MALRD1: variants seen among roughly 807,000 people sequenced by gnomAD.
MALRD1 encodes MAM and LDL receptor class A domain containing 1.
A neutral mutation model predicts 242.1 loss-of-function variants in MALRD1; 247 were observed. That is an observed-to-expected ratio of 1.02 (90% CI 0.92 to 1.13). The LOEUF is 1.13. MALRD1 is among the 50% of genes most tolerant of loss of function. MALRD1 has a pLI of 0.00. For synonymous variants in MALRD1, 995 were observed against 866.6 expected (o/e 1.15, Z -2.60); for missense variants, 2,989 against 2,533.1 (o/e 1.18, Z -3.86).
chr10:19,604,802 A>G (rs1287289998), intron 34 of MALRD1, among the ~76,000 whole-genome samples: 3 of 152,192 alleles, frequency 2.0e-5, no homozygotes, highest in Non-Finnish European at 4.4e-5. Context: ...TGACTAAGGT[A>G]TAGTGCAGAC....
chr10:19,685,348 A>T (rs548647967), intron 36 of MALRD1, among the ~76,000 whole-genome samples: 1 of 152,234 alleles, frequency 6.6e-6, no homozygotes, highest in South Asian at 2.1e-4. Flanking sequence ...GTCCATCTTT[A>T]TATCCTCAAC....
At chr10:19,149,438 T>A (rs533569814) in intron 11 of MALRD1, among the ~76,000 whole-genome samples, 5 of 152,124 alleles carry the variant, frequency 3.3e-5, no homozygotes, top group African/African-American at 1.2e-4. Context: ...CTATTCCTAC[T>A]CTGTTAAATT....
At chr10:19,104,615 A>T (rs778827429) in intron 5 of MALRD1, among the ~76,000 whole-genome samples, 4 of 152,170 alleles carry the variant, frequency 2.6e-5, no homozygotes, top group East Asian at 3.8e-4. Flanking sequence ...TATTAAAATT[A>T]GAATAGCATA....
intron 2 of MALRD1, among the ~76,000 whole-genome samples, chr10:19,079,241 T>C (rs949721724): frequency 2.6e-5 from 4 of 151,822 alleles, no homozygotes; most frequent in African/African-American, 9.7e-5. Context: ...CTTTAGCCTA[T>C]TGGTTATTTA....
chr10:19,210,274 C>G (rs1836992687), intron 18 of MALRD1, among the ~76,000 whole-genome samples: 1 of 152,158 alleles, frequency 6.6e-6, no homozygotes, highest in South Asian at 2.1e-4. Flanking sequence ...TATATATTAT[C>G]TATCTGATTC....
intron 31 of MALRD1, among the ~76,000 whole-genome samples, chr10:19,529,496 G>T (rs1834243849): frequency 8.0e-6 from 1 of 125,640 alleles, no homozygotes; most frequent in Admixed American, 8.8e-5. Context: ...GATAAAAACA[G>T]AATCGTGAAA....
At chr10:19,610,522 G>A (rs1054893492) in intron 35 of MALRD1, among the ~76,000 whole-genome samples, 1 of 151,914 alleles carries the variant, frequency 6.6e-6, no homozygotes, top group Non-Finnish European at 1.5e-5. Context: ...TTGGTTTGTT[G>A]CACAAAATCT....
chr10:19,121,039 C>T (rs575626567), intron 5 of MALRD1, among the ~76,000 whole-genome samples: 65 of 143,482 alleles, frequency 4.5e-4, no homozygotes, highest in Non-Finnish European at 7.8e-4. Context: ...CCACTGTGCC[C>T]GGCCTTTTTT....
intron 5 of MALRD1, among the ~76,000 whole-genome samples, chr10:19,119,147 GAA>G (rs1464080124): frequency 6.6e-6 from 1 of 152,122 alleles, no homozygotes; most frequent in Non-Finnish European, 1.5e-5. Context: ...GAGAGAGAGA[GAA>G]AGAGATGAGT....
At chr10:19,232,820 A>T (rs1588737933) in intron 18 of MALRD1, among the ~76,000 whole-genome samples, 1 of 152,058 alleles carries the variant, frequency 6.6e-6, no homozygotes, top group African/African-American at 2.4e-5. Context: ...CCCCACCCCA[A>T]CCCTGCTTCT....
chr10:19,457,457 G>T (rs1445736770), intron 29 of MALRD1, among the ~76,000 whole-genome samples: 2 of 152,048 alleles, frequency 1.3e-5, no homozygotes, highest in African/African-American at 4.8e-5. Flanking sequence ...CAAGAAAGCT[G>T]CCCAGGGTGG....
intron 38 of MALRD1, among the ~76,000 whole-genome samples, chr10:19,705,442 A>C (rs990805988): frequency 1.6e-4 from 24 of 152,176 alleles, no homozygotes; most frequent in African/African-American, 5.5e-4. Context: ...ACGTGTCCAC[A>C]TGTGCCTTCG....
intron 38 of MALRD1, among the ~76,000 whole-genome samples, chr10:19,704,233 G>C (rs190844085): frequency 2.6e-5 from 4 of 152,152 alleles, no homozygotes; most frequent in Non-Finnish European, 5.9e-5. Flanking sequence ...TCGTAAGTCA[G>C]TTTGGGCTAT....
intron 30 of MALRD1, among the ~76,000 whole-genome samples, chr10:19,494,863 G>A (rs935781029): frequency 2.2e-4 from 33 of 152,196 alleles, no homozygotes; most frequent in Admixed American, 1.9e-3. Context: ...TCAGGATATT[G>A]TTAATAAAAA....
chr10:19,318,773 T>G (rs1372178917), intron 21 of MALRD1, among the ~76,000 whole-genome samples: 1 of 152,038 alleles, frequency 6.6e-6, no homozygotes, highest in East Asian at 1.9e-4. Flanking sequence ...ATATTTTTAT[T>G]ACACATGTGC....
intron 38 of MALRD1, among the ~76,000 whole-genome samples, chr10:19,717,305 G>C (rs1035519550): frequency 2.0e-5 from 3 of 152,132 alleles, no homozygotes; most frequent in South Asian, 2.1e-4. Flanking sequence ...AAAATGACTT[G>C]TACTAATGAC....
chr10:19,605,075 C>T (rs1325674436), intron 34 of MALRD1, among the ~76,000 whole-genome samples: 3 of 152,066 alleles, frequency 2.0e-5, no homozygotes, highest in Non-Finnish European at 4.4e-5. Flanking sequence ...ATGATTTAAA[C>T]ATTTGGGAAA....
intron 33 of MALRD1, among the ~76,000 whole-genome samples, chr10:19,576,094 C>G (rs1413254249): frequency 6.6e-6 from 1 of 152,198 alleles, no homozygotes. Context: ...GCTAAGAACC[C>G]AAACCAAGGA....
chr10:19,479,652 C>G (rs2131171830), intron 29 of MALRD1, among the ~76,000 whole-genome samples: 1 of 152,272 alleles, frequency 6.6e-6, no homozygotes, highest in South Asian at 2.1e-4. Flanking sequence ...TCATCACATC[C>G]TTTTCATATC....
Sources: gnomAD v4.1 joint callset for allele counts (sites outside exome capture counted in the v4.1 genomes callset) on GRCh38, gnomAD v4.1.1 for gene constraint, MANE v1.5 for transcripts, NCBI Gene and HGNC (gene_info 2026-07-23, HGNC 2026-07-21) for gene names.